KCNQ5: variants seen among roughly 807,000 people sequenced by gnomAD.
The protein encoded by KCNQ5 is potassium voltage-gated channel subfamily Q member 5.
Under a neutral mutation model 98.2 loss-of-function variants are expected in KCNQ5, and 30 were observed. That is an observed-to-expected ratio of 0.31 (90% CI 0.23 to 0.41). The LOEUF is 0.41. Among genes scored for constraint, KCNQ5 ranks in the 10% least tolerant of loss-of-function variants. The probability of loss-of-function intolerance (pLI) is 1.00; values close to 1 mark genes in which losing one functional copy is unlikely to be tolerated. For synonymous variants in KCNQ5, 458 were observed against 449.4 expected, an observed-to-expected ratio of 1.02 and a Z score of -0.24; for missense variants, 835 against 1,182.5, an observed-to-expected ratio of 0.71 and a Z score of 4.31.
Position 73,196,276 on chromosome 6 carries a change from T to C in KCNQ5, c.*862T>C, listed in dbSNP as rs1765789531. The C allele has an allele frequency of 6.6e-6, 1 of 152,220 alleles. No homozygotes were observed. The highest frequency in any genetic ancestry group is 2.1e-4 in the South Asian group (1 of 4,836). The allele number at this position is 152,220 out of a possible 1,614,324, so 9.4% of individuals were successfully genotyped here. On this transcript the variant is annotated 3_prime_UTR_variant, in exon 14 of 14. Coordinates refer to ENST00000370398, the MANE Select transcript of KCNQ5 (RefSeq NM_019842.4). ...ACCCCAGGCTTGCCAATACTGCCTA[T>C]GTAAAGGGCAAGTGTGAGAAGCTAT...
At chr6:72,847,149 A>G (rs956608447) in intron 1 of KCNQ5, among the ~76,000 whole-genome samples, 1 of 151,906 alleles carries the variant, frequency 6.6e-6, no homozygotes, top group Non-Finnish European at 1.5e-5. Context: ...ATTCCCTTGC[A>G]CTCCAATAAA....
intron 2 of KCNQ5, among the ~76,000 whole-genome samples, chr6:73,023,979 G>A (rs1192805332): frequency 6.6e-6 from 1 of 152,166 alleles, no homozygotes; most frequent in Non-Finnish European, 1.5e-5. Flanking sequence ...GAGCACCTTG[G>A]AAGGTTTAGG....
At chr6:72,913,518 G>A (rs911094205) in intron 1 of KCNQ5, among the ~76,000 whole-genome samples, 7 of 152,170 alleles carry the variant, frequency 4.6e-5, no homozygotes, top group African/African-American at 1.7e-4. Context: ...ACATATGTAT[G>A]CAGCTGCTTT....
chr6:73,069,016 T>C (rs1420602510), intron 3 of KCNQ5, among the ~76,000 whole-genome samples: 3 of 152,326 alleles, frequency 2.0e-5, no homozygotes, highest in East Asian at 1.9e-4. Context: ...CTTGCCAACA[T>C]TGACAATTCA....
At chr6:72,707,960 A>G (rs1325480625) in intron 1 of KCNQ5, among the ~76,000 whole-genome samples, 2 of 152,180 alleles carry the variant, frequency 1.3e-5, no homozygotes, top group Non-Finnish European at 2.9e-5. Flanking sequence ...TTGGGTTTAC[A>G]GGCATGAGCC....
intron 10 of KCNQ5, among the ~76,000 whole-genome samples, chr6:73,161,434 A>G (rs1379447184): frequency 6.6e-6 from 1 of 152,228 alleles, no homozygotes; most frequent in Non-Finnish European, 1.5e-5. Context: ...AATCTGTTGT[A>G]TATTTCAAAT....
intron 3 of KCNQ5, among the ~76,000 whole-genome samples, chr6:73,071,980 C>T (rs1389214158): frequency 6.6e-6 from 1 of 151,958 alleles, no homozygotes; most frequent in African/African-American, 2.4e-5. Flanking sequence ...CAAAACTTAG[C>T]TTATAGTGAG....
chr6:73,058,145 G>A (rs1772608528), intron 3 of KCNQ5, among the ~76,000 whole-genome samples: 2 of 152,176 alleles, frequency 1.3e-5, no homozygotes, highest in African/African-American at 2.4e-5. Context: ...GGGCACGGTG[G>A]CTCACGCCTG....
chr6:72,895,689 T>C (rs1161110212), intron 1 of KCNQ5, among the ~76,000 whole-genome samples: 1 of 149,132 alleles, frequency 6.7e-6, no homozygotes, highest in African/African-American at 2.4e-5. Flanking sequence ...ATATTATATA[T>C]ATATACTATA....
chr6:73,023,247 C>A (rs1177257639), intron 2 of KCNQ5, among the ~76,000 whole-genome samples: 1 of 152,164 alleles, frequency 6.6e-6, no homozygotes, highest in Non-Finnish European at 1.5e-5. Flanking sequence ...TCTGCACTTT[C>A]TGACTTTGGG....
intron 1 of KCNQ5, among the ~76,000 whole-genome samples, chr6:72,972,861 A>G (rs1767971849): frequency 6.6e-6 from 1 of 151,962 alleles, no homozygotes; most frequent in Admixed American, 6.6e-5. Flanking sequence ...CATCACCTAC[A>G]TAATCAAATC....
chr6:72,645,215 A>AC (rs796944381), intron 1 of KCNQ5, among the ~76,000 whole-genome samples: 29 of 140,178 alleles, frequency 2.1e-4, no homozygotes, highest in East Asian at 1.3e-3. Context: ...AAAAAAAAAC[A>AC]AAAAAAAACA....
At chr6:72,718,392 T>G (rs967318817) in intron 1 of KCNQ5, among the ~76,000 whole-genome samples, 1 of 151,882 alleles carries the variant, frequency 6.6e-6, no homozygotes, top group African/African-American at 2.4e-5. Flanking sequence ...TATCTTGGTT[T>G]TCAATTGGAG....
rs532663823 is a variant in KCNQ5, at chr6:72,623,871, A to G, written c.398+1284A>G. 3.9e-5 allele frequency among the ~76,000 whole-genome samples: 6 copies of G among 152,310 alleles called. No individual in the cohort carries two copies. In the East Asian group the frequency reaches 1.2e-3, roughly 29 times the overall value. On this transcript the variant is annotated intron_variant, in intron 1 of 13. Transcript: ENST00000370398. ...TACATAGCTCTCTCCTGGGATGCAG[A>G]ATTAGCATCAACACCAGAAACGTGT... is the stretch of plus-strand genomic sequence containing the variant.
chr6:72,955,518 A>G (rs924138100), intron 1 of KCNQ5, among the ~76,000 whole-genome samples: 9 of 152,182 alleles, frequency 5.9e-5, no homozygotes, highest in African/African-American at 1.9e-4. Flanking sequence ...TTATAACTAT[A>G]AGTAGGAACT....
Position 72,808,792 on chromosome 6 carries a change from C to CA in KCNQ5, c.398+186215dup, listed in dbSNP as rs989064648. On this transcript the variant is annotated intron_variant, in intron 1 of 13. Transcript: ENST00000370398. ...TGAAACCCAGTCTCTACTAAAAATACAAAAAAAAAACTAGTTCAACCATTG... is the reference window on the plus strand; with the variant it reads ...TGAAACCCAGTCTCTACTAAAAATACAAAAAAAAAAACTAGTTCAACCATTG... Among the ~76,000 whole-genome samples, 111 of 146,506 alleles carry CA rather than the reference C, an allele frequency of 7.6e-4. 1 individual carries two copies. The highest frequency in any genetic ancestry group is 2.4e-3 in the South Asian group (11 of 4,600).
At chr6:72,800,173 T>C (rs1774566498) in intron 1 of KCNQ5, among the ~76,000 whole-genome samples, 1 of 152,164 alleles carries the variant, frequency 6.6e-6, no homozygotes, top group Non-Finnish European at 1.5e-5. Flanking sequence ...CCACACACTT[T>C]TTATTGATAG....
At chr6:73,122,685 G>T (rs558718464) in intron 8 of KCNQ5, among the ~76,000 whole-genome samples, 2 of 152,288 alleles carry the variant, frequency 1.3e-5, no homozygotes, top group East Asian at 1.9e-4. Flanking sequence ...AAATGCAGAG[G>T]TTCTTAATCC....
intron 1 of KCNQ5, among the ~76,000 whole-genome samples, chr6:72,695,720 G>A (rs2154474404): frequency 1.3e-5 from 2 of 152,110 alleles, no homozygotes; most frequent in African/African-American, 2.4e-5. Context: ...ACATACACTT[G>A]TTTTGGGAAG....
Sources: gnomAD v4.1 joint callset for allele counts (sites outside exome capture counted in the v4.1 genomes callset) on GRCh38, gnomAD v4.1.1 for gene constraint, MANE v1.5 for transcripts, NCBI Gene and HGNC (gene_info 2026-07-23, HGNC 2026-07-21) for gene names.